Variants in SLC17A5 observed in about 807,000 individuals in gnomAD.
The protein encoded by SLC17A5 is solute carrier family 17 member 5.
In SLC17A5, 47 loss-of-function variants were observed where a neutral mutation model predicts 59.4. The observed-to-expected ratio is 0.79, with a 90% CI of 0.63 to 1.01. The LOEUF is 1.01. Among genes scored for constraint, SLC17A5 ranks in the 50% least tolerant of loss-of-function variants. The pLI is 0.00. For synonymous variants in SLC17A5, 202 were observed against 210.7 expected, an observed-to-expected ratio of 0.96 and a Z score of 0.36; for missense variants, 522 against 595.5, an observed-to-expected ratio of 0.88 and a Z score of 1.28.
intron 6 of SLC17A5, among the ~76,000 whole-genome samples, chr6:73,628,747 C>T (rs926257410): frequency 6.6e-6 from 1 of 152,094 alleles, no homozygotes; most frequent in Non-Finnish European, 1.5e-5. Flanking sequence ...AATGTATCAT[C>T]GAATTTCTAA....
intron 1 of SLC17A5, among the ~76,000 whole-genome samples, chr6:73,651,772 C>G (rs956265803): frequency 6.6e-6 from 1 of 152,010 alleles, no homozygotes; most frequent in Non-Finnish European, 1.5e-5. Context: ...GGGATGGTCT[C>G]GGTCTGCTGA....
At chr6:73,645,639 T>C (rs1769507168) in intron 1 of SLC17A5, 1 of 284,638 alleles carries the variant, frequency 3.5e-6, no homozygotes, top group Non-Finnish European at 5.3e-6. Context: ...ATACAAAAAA[T>C]TAGCCGGGCG....
At chr6:73,607,694 C>A (rs1767455417) in intron 9 of SLC17A5, among the ~76,000 whole-genome samples, 1 of 152,036 alleles carries the variant, frequency 6.6e-6, no homozygotes, top group African/African-American at 2.4e-5. Flanking sequence ...TCCTAAGCTA[C>A]CTTTCAGATT....
intron 2 of SLC17A5, among the ~76,000 whole-genome samples, chr6:73,643,662 A>G (rs1581989561): frequency 6.6e-6 from 1 of 151,916 alleles, no homozygotes; most frequent in Admixed American, 6.6e-5. Flanking sequence ...TTTTTAGTAA[A>G]GACAGGGTTT....
chr6:73,608,651 A>T lies in SLC17A5; in HGVS notation c.1259+1749T>A, dbSNP rs558595457. On this transcript the variant is annotated intron_variant, in intron 9 of 10. Coordinates refer to ENST00000355773, the MANE Select transcript of SLC17A5 (RefSeq NM_012434.5). ...AACATCCTAAGCGATAACATAGCCT[A>T]GAACTATTTCTTGCCAAAACTCTCA... 6.6e-5 allele frequency among the ~76,000 whole-genome samples: 10 copies of T among 152,344 alleles called. No homozygotes were observed. The South Asian group carries it at 1.4e-3, about 22-fold the overall frequency.
rs1375304792 is a variant in SLC17A5, at chr6:73,636,791, G to A, written c.614-84C>T. 4 of 1,008,034 alleles carry A rather than the reference G, an allele frequency of 4.0e-6. No homozygotes were observed. In the East Asian group the frequency reaches 7.2e-5, roughly 18 times the overall value. The allele number at this position is 1,008,034 out of a possible 1,614,324, so 62.4% of individuals were successfully genotyped here. On this transcript the variant is annotated intron_variant, in intron 4 of 10. Coordinates refer to ENST00000355773, the MANE Select transcript of SLC17A5 (RefSeq NM_012434.5). ...GACAAGTCTACTGCTTACAGAGGAT[G>A]GGTAACAGGCTGGGCACAGTGGCTC...
Position 73,621,859 on chromosome 6 carries a change from A to G in SLC17A5, c.923T>C (p.Leu308Ser), listed in dbSNP as rs766036082. 17 of 1,613,254 alleles carry G rather than the reference A, an allele frequency of 1.1e-5. No homozygotes were observed. The highest frequency in any genetic ancestry group is 1.4e-5 in the Non-Finnish European group (16 of 1,179,314). The change falls in exon 7 of 11, where the codon TTA (leucine) becomes TCA (serine). Residue 308 changes from leucine to serine, a missense_variant. Coordinates refer to ENST00000355773, the MANE Select transcript of SLC17A5 (RefSeq NM_012434.5). ...CATATAAGTAGGCAATAATGTCAAT[A>G]AAGTATAAAAAGTCCAGTTGTAAGA... ...HFSYNWTFYT[L>S]LTLLPTYMKE...
At chr6:73,618,444 T>C (rs956225752) in intron 7 of SLC17A5, 10 of 374,776 alleles carry the variant, frequency 2.7e-5, no homozygotes, top group Non-Finnish European at 5.0e-5. Flanking sequence ...ACTTCATGGA[T>C]GTGAAGTGCC....
At chr6:73,623,286 G>A (rs1288324115) in intron 6 of SLC17A5, among the ~76,000 whole-genome samples, 1 of 151,920 alleles carries the variant, frequency 6.6e-6, no homozygotes, top group Non-Finnish European at 1.5e-5. Context: ...TGATCCACCT[G>A]CCTTGGCCTC....
intron 1 of SLC17A5, chr6:73,652,910 A>C: frequency 2.6e-6 from 1 of 390,712 alleles, no homozygotes; most frequent in Non-Finnish European, 3.5e-6. Context: ...ATTCAAACTG[A>C]TTTGTTCTTT....
At chr6:73,622,579 C>T (rs624632) in intron 6 of SLC17A5, among the ~76,000 whole-genome samples, 24,618 of 152,022 alleles carry the variant, frequency 0.16, 3,041 homozygotes, top group African/African-American at 0.34. Flanking sequence ...CGTGAGCCAC[C>T]GTGCCCGGCC....
chr6:73,604,946 C>T (rs919874482), intron 9 of SLC17A5, among the ~76,000 whole-genome samples: 1 of 152,120 alleles, frequency 6.6e-6, no homozygotes, highest in Non-Finnish European at 1.5e-5. Context: ...CATATTATAT[C>T]ATTTTAATTA....
intron 4 of SLC17A5, among the ~76,000 whole-genome samples, chr6:73,637,530 G>A (rs1428479411): frequency 1.3e-5 from 2 of 152,068 alleles, no homozygotes; most frequent in Admixed American, 6.5e-5. Flanking sequence ...TTTTCCTGTA[G>A]CCTGTAAGAC....
chr6:73,636,294 A>C (rs938083235), intron 5 of SLC17A5, among the ~76,000 whole-genome samples: 45 of 151,422 alleles, frequency 3.0e-4, no homozygotes, highest in African/African-American at 1.0e-3. Flanking sequence ...AAAAAAAAAA[A>C]AAAAACATTA....
At chr6:73,616,306 C>T (rs902767033) in intron 7 of SLC17A5, among the ~76,000 whole-genome samples, 1 of 152,102 alleles carries the variant, frequency 6.6e-6, no homozygotes, top group Non-Finnish European at 1.5e-5. Flanking sequence ...AAGCATTAAC[C>T]TCGTTTTGGT....
intron 9 of SLC17A5, among the ~76,000 whole-genome samples, chr6:73,602,248 G>C (rs1163107649): frequency 6.0e-5 from 9 of 148,932 alleles, no homozygotes; most frequent in Non-Finnish European, 1.0e-4. Context: ...CAGCATGCTC[G>C]TTAAGAATCA....
rs377378762 is a variant in SLC17A5, at chr6:73,639,260, C to T, written c.526-761G>A. Among the ~76,000 whole-genome samples the T allele has an allele frequency of 2.6e-5, 4 of 152,316 alleles. No homozygotes were observed. The East Asian group carries it at 7.7e-4, about 29-fold the overall frequency. ...GTGAGAGAGAACGGCTCTCCTTGGACACTCTCTGTGTCACTTCAGAAAGAT... is the reference window on the plus strand; with the variant it reads ...GTGAGAGAGAACGGCTCTCCTTGGATACTCTCTGTGTCACTTCAGAAAGAT... On this transcript the variant is annotated intron_variant, in intron 3 of 10. Coordinates refer to ENST00000355773, the MANE Select transcript of SLC17A5 (RefSeq NM_012434.5).
intron 6 of SLC17A5, among the ~76,000 whole-genome samples, chr6:73,629,963 A>G (rs1258884694): frequency 2.6e-5 from 4 of 151,912 alleles, no homozygotes; most frequent in African/African-American, 9.7e-5. Flanking sequence ...TCTGAATTTA[A>G]CTGCAGCGTG....
chr6:73,640,983 AAC>A (rs1282870106), intron 3 of SLC17A5, among the ~76,000 whole-genome samples: 12 of 152,238 alleles, frequency 7.9e-5, no homozygotes, highest in African/African-American at 2.9e-4. Context: ...AATGCAACTC[AAC>A]AGTCTATTGT....
Sources: gnomAD v4.1 joint callset for allele counts (sites outside exome capture counted in the v4.1 genomes callset) on GRCh38, gnomAD v4.1.1 for gene constraint, MANE v1.5 for transcripts, NCBI Gene and HGNC (gene_info 2026-07-23, HGNC 2026-07-21) for gene names.